CPNE7: variants seen among roughly 807,000 people sequenced by gnomAD.
The protein encoded by CPNE7 is copine-7.
Under a neutral mutation model 66.5 loss-of-function variants are expected in CPNE7, and 78 were observed. That is an observed-to-expected ratio of 1.17 (90% CI 0.98 to 1.42). The LOEUF is 1.42. Among genes scored for constraint, CPNE7 ranks in the 40% most tolerant of loss-of-function variants. The probability of loss-of-function intolerance (pLI) is 0.00; values close to 1 mark genes in which losing one functional copy is unlikely to be tolerated. For synonymous variants in CPNE7, 468 were observed against 336.7 expected, an observed-to-expected ratio of 1.39 and a Z score of -4.27; for missense variants, 1,012 against 776.6, an observed-to-expected ratio of 1.30 and a Z score of -3.60.
chr16:89,595,438 G>A lies in CPNE7; in HGVS notation c.1374G>A (p.Val458=), dbSNP rs369511365. 3.7e-6 allele frequency: 6 copies of A among 1,610,950 alleles called. No homozygotes were observed. The highest frequency in any genetic ancestry group is 5.1e-6 in the Non-Finnish European group (6 of 1,178,806). Reference sequence around the variant, plus strand: ...TGGCCGACACACGGGAGGCCATTGTGCGTGCCTCACGCCTGCCCATGTCCA... The same window carrying A: ...TGGCCGACACACGGGAGGCCATTGTACGTGCCTCACGCCTGCCCATGTCCA... ...TDMADTREAI[V]RASRLPMSII... The change falls in exon 14 of 15, where the codon GTG becomes GTA. Residue 458 remains valine, a synonymous_variant. Coordinates refer to ENST00000319518, the MANE Select transcript of CPNE7 (RefSeq NM_153636.3).
intron 2 of CPNE7, among the ~76,000 whole-genome samples, chr16:89,583,049 C>T (rs1402909105): frequency 3.3e-5 from 5 of 152,250 alleles, no homozygotes; most frequent in African/African-American, 1.2e-4. Context: ...GGGCTCATAG[C>T]CGATGGGGCG....
intron 13 of CPNE7, among the ~76,000 whole-genome samples, chr16:89,591,826 A>T (rs4998753): frequency 6.6e-6 from 1 of 150,960 alleles, no homozygotes; most frequent in African/African-American, 2.4e-5. Context: ...TCAGCCTCCC[A>T]AGGAGCTGGG....
intron 13 of CPNE7, among the ~76,000 whole-genome samples, chr16:89,593,402 G>A (rs1003502845): frequency 5.3e-5 from 8 of 151,430 alleles, no homozygotes; most frequent in Non-Finnish European, 1.0e-4. Context: ...ACCCAGGCTG[G>A]AGTGCAGTGG....
At chr16:89,593,232 A>G (rs945738005) in intron 13 of CPNE7, among the ~76,000 whole-genome samples, 5 of 152,124 alleles carry the variant, frequency 3.3e-5, no homozygotes, top group Non-Finnish European at 7.3e-5. Context: ...GTTTGCATCT[A>G]TTTTTAATTT....
chr16:89,578,767 A>G (rs979678792), intron 2 of CPNE7: 3 of 1,385,126 alleles, frequency 2.2e-6, no homozygotes, highest in Non-Finnish European at 9.4e-7. Context: ...CTCAAAAAAA[A>G]AAAAAAAAAA....
At chr16:89,582,768 A>G (rs902202162) in intron 2 of CPNE7, among the ~76,000 whole-genome samples, 1 of 152,088 alleles carries the variant, frequency 6.6e-6, no homozygotes, top group African/African-American at 2.4e-5. Context: ...TTTGTATTCA[A>G]CCTACCTCAT....
intron 9 of CPNE7, among the ~76,000 whole-genome samples, 176 bp from the exon 10 acceptor site, chr16:89,588,499 C>G (rs996641750): frequency 2.6e-5 from 4 of 152,106 alleles, no homozygotes; most frequent in Non-Finnish European, 5.9e-5. Flanking sequence ...TTGAGGAGAC[C>G]TCTCCTGGCC....
chr16:89,587,474 T>C, intron 9 of CPNE7: 1 of 440,958 alleles, frequency 2.3e-6, no homozygotes, highest in Admixed American at 2.4e-5. Flanking sequence ...GAAACGGGCT[T>C]GGGGTTCAGG....
chr16:89,583,022 C>G (rs1017911850), intron 2 of CPNE7, among the ~76,000 whole-genome samples: 1 of 152,208 alleles, frequency 6.6e-6, no homozygotes, highest in Admixed American at 6.5e-5. Context: ...GCCTGTCATC[C>G]GCCACCCACC....
intron 2 of CPNE7, chr16:89,583,305 C>T (rs960772894): frequency 1.1e-5 from 9 of 814,848 alleles, no homozygotes; most frequent in African/African-American, 1.7e-5. Context: ...TGCGGGTTCT[C>T]ACCTGGGCCT....
In CPNE7 at chr16:89,577,698, G is replaced by A. The variant is rs752650209; in HGVS notation, c.334G>A (p.Gly112Ser). The A allele has an allele frequency of 1.9e-6, 3 of 1,598,928 alleles. No homozygotes were observed. In the Admixed American group the frequency reaches 5.2e-5, roughly 28 times the overall value. The change falls in exon 2 of 15, where the codon GGC becomes AGC. Residue 112 changes from glycine (G) to serine (S), a missense_variant. Physicochemically the swap from Gly to Ser is moderately conservative, Grantham distance 56. Coordinates refer to ENST00000319518, the MANE Select transcript of CPNE7 (RefSeq NM_153636.3). ...FSCQEDDFLGGMECTLGQIVA... is the reference protein window; with the variant it reads ...FSCQEDDFLGSMECTLGQIVA... ...CTGTCAGGAGGACGATTTCCTGGGGGGCATGGAGTGCACCCTGGGGCAGGT... is the reference window on the plus strand; with the variant it reads ...CTGTCAGGAGGACGATTTCCTGGGGAGCATGGAGTGCACCCTGGGGCAGGT...
chr16:89,576,196 G>A, intron 1 of CPNE7, 125 bp downstream of exon 1: 1 of 758,926 alleles, frequency 1.3e-6, no homozygotes, highest in Non-Finnish European at 1.8e-6. Flanking sequence ...CCGGAGCTGG[G>A]GCTCAGCTCG....
chr16:89,583,807 C>T, intron 3 of CPNE7, 36 bp downstream of exon 3: 2 of 1,605,338 alleles, frequency 1.2e-6, no homozygotes, highest in Non-Finnish European at 1.7e-6. Context: ...CCTGCAGGCC[C>T]TGCTGCTGTG....
chr16:89,585,174 T>C (rs1264375622), intron 5 of CPNE7, among the ~76,000 whole-genome samples: 2 of 152,228 alleles, frequency 1.3e-5, no homozygotes, highest in African/African-American at 2.4e-5. Flanking sequence ...GAAATTAACT[T>C]GAGTGAAAAT....
rs544901695 is a variant in CPNE7, at chr16:89,595,579, C to T, written c.1515C>T (p.Phe505=). The T allele has an allele frequency of 1.1e-5, 18 of 1,607,038 alleles. No individual in the cohort carries two copies. The highest frequency in any genetic ancestry group is 3.3e-5 in the South Asian group (3 of 90,794). The change falls in exon 14 of 15, where the codon TTC becomes TTT. Residue 505 remains phenylalanine, a synonymous_variant. Transcript: ENST00000319518. ...CCGCGCTCCGGGACATCGTACAGTT[C>T]GTGCCCTTCCGGGAGCTCAAGAACG... ...GEPALRDIVQ[F]VPFRELKNAS...
intron 14 of CPNE7, among the ~76,000 whole-genome samples, chr16:89,596,282 G>A (rs1209014237): frequency 6.6e-6 from 1 of 152,222 alleles, no homozygotes; most frequent in Non-Finnish European, 1.5e-5. Context: ...CTCCGTGCTT[G>A]GGGGGCTGGA....
At chr16:89,595,044 C>G (rs1435878771) in intron 13 of CPNE7, among the ~76,000 whole-genome samples, 1 of 152,040 alleles carries the variant, frequency 6.6e-6, no homozygotes, top group Non-Finnish European at 1.5e-5. Context: ...TCGCAGATTT[C>G]TCCTCTGGCC....
chr16:89,587,687 A>G lies in CPNE7; in HGVS notation c.927+585A>G, dbSNP rs1401297241. The G allele has an allele frequency of 1.6e-4, 58 of 372,202 alleles. 2 individuals carry two copies. Among genetic ancestry groups the G allele is most frequent in the Admixed American group, 1.6e-3 (56 of 36,000 alleles). The allele number at this position is 372,202 out of a possible 1,614,324, so 23.1% of individuals were successfully genotyped here. On this transcript the variant is annotated intron_variant, in intron 9 of 14. Coordinates refer to ENST00000319518, the MANE Select transcript of CPNE7 (RefSeq NM_153636.3). ...CACCCGCAGACCCCGCGTCACCCAT[A>G]GATACGCACACCCCGTGTCACCCCC...
At chr16:89,576,781 C>T (rs944145075) in intron 1 of CPNE7, among the ~76,000 whole-genome samples, 1 of 152,194 alleles carries the variant, frequency 6.6e-6, no homozygotes, top group Non-Finnish European at 1.5e-5. Context: ...AGCGCGGGCC[C>T]GGGCGGCTGC....
Sources: gnomAD v4.1 joint callset for allele counts (sites outside exome capture counted in the v4.1 genomes callset) on GRCh38, gnomAD v4.1.1 for gene constraint, MANE v1.5 for transcripts, NCBI Gene and HGNC (gene_info 2026-07-23, HGNC 2026-07-21) for gene names.